The following MEIS2 variants were observed in gnomAD, a reference collection of about 807,000 sequenced individuals.
The protein encoded by MEIS2 is homeobox protein Meis2.
In MEIS2, 9 loss-of-function variants were observed where a neutral mutation model predicts 58.6. The ratio of observed to expected loss-of-function variants is 0.15; its 90% CI spans 0.09 to 0.27. MEIS2 has a LOEUF of 0.27. Ranked by LOEUF, MEIS2 falls within the 10% of genes least tolerant of loss-of-function variation. MEIS2 has a pLI of 1.00. For missense variants in MEIS2, 427 were observed against 635.0 expected, an observed-to-expected ratio of 0.67 and a Z score of 3.52; for synonymous variants, 221 against 228.4, an observed-to-expected ratio of 0.97 and a Z score of 0.29.
chr15:36,954,799 T>G (rs1350539551), intron 8 of MEIS2, among the ~76,000 whole-genome samples: 1 of 152,212 alleles, frequency 6.6e-6, no homozygotes, highest in African/African-American at 2.4e-5. Flanking sequence ...GGTAGAGTCT[T>G]AGTTTGAGTA....
chr15:37,008,810 C>T (rs1467129538), intron 8 of MEIS2, among the ~76,000 whole-genome samples: 1 of 152,114 alleles, frequency 6.6e-6, no homozygotes, highest in African/African-American at 2.4e-5. Flanking sequence ...ATTATAGGAA[C>T]AAACATAAGA....
At chr15:36,973,663 CATA>C (rs1273388657) in intron 8 of MEIS2, among the ~76,000 whole-genome samples, 1 of 151,962 alleles carries the variant, frequency 6.6e-6, no homozygotes, top group Non-Finnish European at 1.5e-5. Context: ...GTGCTTTGCA[CATA>C]ATAAGAGTTG....
intron 9 of MEIS2, among the ~76,000 whole-genome samples, chr15:36,932,030 T>C (rs2058000596): frequency 1.3e-5 from 2 of 152,222 alleles, no homozygotes; most frequent in South Asian, 4.1e-4. Context: ...AAAGTTTATG[T>C]GTAATAGTGA....
At chr15:37,020,888 A>G (rs1194178490) in intron 8 of MEIS2, among the ~76,000 whole-genome samples, 1 of 152,008 alleles carries the variant, frequency 6.6e-6, no homozygotes, top group Admixed American at 6.6e-5. Flanking sequence ...AGTCCTCCCA[A>G]ATTTTGTGTG....
chr15:37,036,683 G>C (rs989912176), intron 8 of MEIS2, 131 bp downstream of exon 8: 17 of 1,013,658 alleles, frequency 1.7e-5, no homozygotes, highest in Non-Finnish European at 2.4e-5. Context: ...ACTTTAACTA[G>C]TCTGTTAGTC....
At chr15:36,997,616 A>T (rs947664765) in intron 8 of MEIS2, among the ~76,000 whole-genome samples, 1 of 151,488 alleles carries the variant, frequency 6.6e-6, no homozygotes, top group African/African-American at 2.4e-5. Context: ...AGTAGCTGGG[A>T]CTACAGGCAC....
At chr15:36,975,767 G>A (rs1567132183) in intron 8 of MEIS2, among the ~76,000 whole-genome samples, 1 of 152,162 alleles carries the variant, frequency 6.6e-6, no homozygotes, top group Non-Finnish European at 1.5e-5. Context: ...AAATGTGTAG[G>A]CAGGAGGAAT....
chr15:37,003,515 G>A (rs2060811262), intron 8 of MEIS2, among the ~76,000 whole-genome samples: 1 of 151,918 alleles, frequency 6.6e-6, no homozygotes, highest in Non-Finnish European at 1.5e-5. Flanking sequence ...CGAACATGTT[G>A]GACTCCATAT....
intron 8 of MEIS2, among the ~76,000 whole-genome samples, chr15:36,995,044 C>T (rs751340481): frequency 4.6e-5 from 7 of 152,278 alleles, no homozygotes; most frequent in South Asian, 2.1e-4. Context: ...AAACTTCACT[C>T]GTCCATACTT....
At chr15:36,966,125 G>A (rs574416010) in intron 8 of MEIS2, among the ~76,000 whole-genome samples, 3 of 152,220 alleles carry the variant, frequency 2.0e-5, no homozygotes, top group South Asian at 4.2e-4. Context: ...AGGACGCTGG[G>A]GTTAATAATT....
intron 9 of MEIS2, among the ~76,000 whole-genome samples, chr15:36,908,548 C>A (rs1433347635): frequency 6.6e-6 from 1 of 152,214 alleles, no homozygotes; most frequent in Non-Finnish European, 1.5e-5. Flanking sequence ...TCAGATTTCA[C>A]ATCTCCTATC....
At chr15:36,910,917 C>T (rs929438828) in intron 9 of MEIS2, among the ~76,000 whole-genome samples, 7 of 152,072 alleles carry the variant, frequency 4.6e-5, no homozygotes, top group South Asian at 2.1e-4. Context: ...ATGGTGGCGG[C>T]GCCTGTACTC....
intron 9 of MEIS2, among the ~76,000 whole-genome samples, chr15:36,902,744 C>T (rs2141242705): frequency 6.6e-6 from 1 of 152,286 alleles, no homozygotes; most frequent in Middle Eastern, 3.4e-3. Context: ...ACATACTCTT[C>T]TCTTTAGGTA....
At chr15:36,960,222 GGTT>G (rs2059135583) in intron 8 of MEIS2, among the ~76,000 whole-genome samples, 1 of 151,952 alleles carries the variant, frequency 6.6e-6, no homozygotes, top group African/African-American at 2.4e-5. Context: ...AAGAGGAAGA[GGTT>G]GTTTAAAGAA....
At chr15:36,979,744 A>AAT (rs968780361) in intron 8 of MEIS2, among the ~76,000 whole-genome samples, 5 of 147,346 alleles carry the variant, frequency 3.4e-5, no homozygotes, top group South Asian at 2.1e-4. Context: ...TTATTATATA[A>AAT]ATATATATAT....
intron 8 of MEIS2, among the ~76,000 whole-genome samples, chr15:36,972,597 C>A (rs1195295634): frequency 1.3e-5 from 2 of 152,034 alleles, no homozygotes; most frequent in Non-Finnish European, 2.9e-5. Flanking sequence ...GTGTCTTATG[C>A]CTTTTAAAAT....
intron 8 of MEIS2, among the ~76,000 whole-genome samples, chr15:36,985,129 G>A (rs971304703): frequency 6.6e-6 from 1 of 151,728 alleles, no homozygotes; most frequent in Admixed American, 6.6e-5. Flanking sequence ...ATTTGTACTT[G>A]ATCTTTCTTA....
At chr15:37,009,298 T>A (rs1482609975) in intron 8 of MEIS2, among the ~76,000 whole-genome samples, 13 of 151,678 alleles carry the variant, frequency 8.6e-5, no homozygotes, top group African/African-American at 2.9e-4. Flanking sequence ...CAAAAAAAAA[T>A]AAAAAATAAA....
chr15:36,892,528 A>AT, intron 11 of MEIS2, 69 bp from the exon 12 acceptor site: 1 of 970,230 alleles, frequency 1.0e-6, no homozygotes. Context: ...CCCATCAAAG[A>AT]TGAAAAGAAA....
Sources: gnomAD v4.1 joint callset for allele counts (sites outside exome capture counted in the v4.1 genomes callset) on GRCh38, gnomAD v4.1.1 for gene constraint, MANE v1.5 for transcripts, NCBI Gene and HGNC (gene_info 2026-07-23, HGNC 2026-07-21) for gene names.